The following NDUFAF7 variants were observed in gnomAD, a reference collection of about 807,000 sequenced individuals.
NDUFAF7 encodes NADH:ubiquinone oxidoreductase complex assembly factor 7, also known as protein arginine methyltransferase NDUFAF7, mitochondrial.
Under a neutral mutation model 47.2 loss-of-function variants are expected in NDUFAF7, and 48 were observed. The ratio of observed to expected loss-of-function variants is 1.02; its 90% CI spans 0.81 to 1.29. The LOEUF is 1.29. NDUFAF7 is among the 50% of genes most tolerant of loss of function. The pLI is 0.00. For missense variants in NDUFAF7, 635 were observed against 537.6 expected, an observed-to-expected ratio of 1.18 and a Z score of -1.79; for synonymous variants, 217 against 190.0, an observed-to-expected ratio of 1.14 and a Z score of -1.17.
Position 37,241,712 on chromosome 2 carries a change from A to G in NDUFAF7, c.543A>G (p.Gly181=). The G allele has an allele frequency of 1.2e-6, 2 of 1,614,098 alleles. No individual in the cohort carries two copies. Among genetic ancestry groups the G allele is most frequent in the South Asian group, 1.1e-5 (1 of 91,080 alleles). ...AGGTCCCGTTAGAGCGAAATGCTGG[A>G]TCCCCAGTGTATATGAAAGGTGTCA... ...KEKVPLERNA[G]SPVYMKGVTK... is the part of the protein sequence containing the mutation. Residue 181 remains glycine (G), a synonymous_variant, in exon 5 of 10, where the codon GGA becomes GGG. Coordinates refer to ENST00000002125, the MANE Select transcript of NDUFAF7 (RefSeq NM_144736.5).
At chr2:37,256,602 GT>G (rs1421246058), downstream of NDUFAF7, 27 of 1,410,602 alleles carry the variant, frequency 1.9e-5, no homozygotes, top group African/African-American at 3.9e-4. Context: ...TGAGAAAGAT[GT>G]TTAGGCTTAA....
At chr2:37,248,035 G>A in intron 9 of NDUFAF7, 100 bp from the exon 10 acceptor site, 1 of 949,806 alleles carries the variant, frequency 1.1e-6, no homozygotes, top group Non-Finnish European at 1.6e-6. Flanking sequence ...CACATTTTGA[G>A]TGCTGTTTTA....
intron 5 of NDUFAF7, chr2:37,242,414 T>C (rs1234876392): frequency 1.9e-5 from 8 of 424,128 alleles, no homozygotes; most frequent in Non-Finnish European, 2.6e-5. Context: ...AAGCTTTAAC[T>C]GCTATTTCAG....
chr2:37,242,589 TCCTGTG>T lies in NDUFAF7; in HGVS notation c.623-45_623-40del, dbSNP rs1309746088. The stretch of plus-strand genomic sequence containing the variant: ...ACAGTTAATATTCAAAAGAATTAAT[TCCTGTG>T]AAATGTGGAAACATTAATTGTTTTC... On this transcript the variant is annotated intron_variant, in intron 5 of 9. Coordinates refer to ENST00000002125, the MANE Select transcript of NDUFAF7 (RefSeq NM_144736.5). The T allele has an allele frequency of 2.8e-6, 4 of 1,440,078 alleles. No homozygotes were observed. In the South Asian group the frequency reaches 4.7e-5, roughly 17 times the overall value. 89.2% of individuals were successfully genotyped at this position (1,440,078 alleles called of 1,614,324 possible). A position where few individuals can be genotyped will look rare whatever the true frequency, so the allele number is the denominator to read the frequency against.
chr2:37,253,286 T>C (rs1667659305), downstream of NDUFAF7: 2 of 1,613,276 alleles, frequency 1.2e-6, no homozygotes, highest in South Asian at 1.1e-5. Context: ...ATCACTTTCA[T>C]GTGTAATGTA....
chr2:37,243,573 T>C (rs1476288043), intron 6 of NDUFAF7, among the ~76,000 whole-genome samples: 1 of 152,224 alleles, frequency 6.6e-6, no homozygotes, highest in Admixed American at 6.5e-5. Context: ...TGTAGTAATT[T>C]GTTAGTAAAG....
chr2:37,270,174 C>G, the NDUFAF7 span, among the ~76,000 whole-genome samples: 1 of 151,870 alleles, frequency 6.6e-6, no homozygotes, highest in Non-Finnish European at 1.5e-5. Context: ...TTGTGGTGAG[C>G]CAAGACTGTG....
At chr2:37,233,356 G>A (rs1159858943) in intron 2 of NDUFAF7, among the ~76,000 whole-genome samples, 1 of 152,230 alleles carries the variant, frequency 6.6e-6, no homozygotes, top group African/African-American at 2.4e-5. Context: ...AGGGCCGGAC[G>A]TGGCGGCTCA....
downstream of NDUFAF7, chr2:37,253,074 A>AT: frequency 8.3e-7 from 1 of 1,199,420 alleles, no homozygotes; most frequent in Non-Finnish European, 1.2e-6. Flanking sequence ...ATATTTCTTC[A>AT]TATCTTTGCA....
At chr2:37,233,621 CAA>C (rs1175933313) in intron 2 of NDUFAF7, among the ~76,000 whole-genome samples, 4 of 62,486 alleles carry the variant, frequency 6.4e-5, no homozygotes, top group Non-Finnish European at 1.3e-4. Context: ...GACTCTGTCT[CAA>C]AAAAAAAAAA....
chr2:37,243,640 G>A (rs1666594757), intron 6 of NDUFAF7, among the ~76,000 whole-genome samples: 1 of 152,124 alleles, frequency 6.6e-6, no homozygotes, highest in African/African-American at 2.4e-5. Flanking sequence ...CCATGCTGCT[G>A]ATTTTATCTT....
rs144797574 is a variant in NDUFAF7 at position 37,237,883 on chromosome 2, A to C, written c.408+16A>C. ...TATTTTGAGGGTAGGTAATAAAAGA[A>C]TGTCTTCTAGTCTCATATAAGTGAA... On this transcript the variant is annotated intron_variant, in intron 4 of 9. Coordinates refer to ENST00000002125, the MANE Select transcript of NDUFAF7 (RefSeq NM_144736.5). 4.6e-4 allele frequency: 706 copies of C among 1,539,302 alleles called. 2 individuals carry two copies. The African/African-American group carries it at 6.8e-3, about 15-fold the overall frequency.
At chr2:37,259,634 A>G in the NDUFAF7 span, 3 of 1,613,532 alleles carry the variant, frequency 1.9e-6, no homozygotes, top group African/African-American at 2.7e-5. Flanking sequence ...GCTTTAAATC[A>G]CAGTGCACAA....
At position 37,248,394 on chromosome 2, in the gene NDUFAF7, C is replaced by CA; in HGVS notation, c.*48dup. ...TTACCCTTCAGTCGGCCCAAGAAAT[C>CA]AAAATAAAGGAAACACATTTCATAT... On this transcript the variant is annotated 3_prime_UTR_variant, in exon 10 of 10. Coordinates refer to ENST00000002125, the MANE Select transcript of NDUFAF7 (RefSeq NM_144736.5). The CA allele has an allele frequency of 6.4e-7, 1 of 1,552,640 alleles. No individual in the cohort carries two copies. Among genetic ancestry groups the CA allele is most frequent in the East Asian group, 2.2e-5 (1 of 44,582 alleles).
chr2:37,263,547 T>A, the NDUFAF7 span, among the ~76,000 whole-genome samples: 6 of 152,338 alleles, frequency 3.9e-5, no homozygotes, highest in East Asian at 9.6e-4. Flanking sequence ...AGTTTTTCTT[T>A]ATAAATGTTT....
At chr2:37,257,081 C>T, downstream of NDUFAF7, 1 of 936,822 alleles carries the variant, frequency 1.1e-6, no homozygotes, top group Non-Finnish European at 1.6e-6. Flanking sequence ...TGTAAAATAT[C>T]CTTTTCTCAA....
chr2:37,236,129 A>C lies in NDUFAF7; in HGVS notation c.250A>C (p.Lys84Gln), dbSNP rs1298070205. 9 of 1,613,586 alleles carry C rather than the reference A, an allele frequency of 5.6e-6. No individual in the cohort carries two copies. Among genetic ancestry groups the C allele is most frequent in the Non-Finnish European group, 7.6e-6 (9 of 1,179,596 alleles). The change falls in exon 3 of 10, where the codon AAA becomes CAA. Residue 84 changes from lysine (K) to glutamine (Q), a missense_variant. Transcript: ENST00000002125. ...YYVYRDMLGE[K>Q]GDFITSPEIS... ...TGTGTACCGTGACATGCTAGGCGAA[A>C]AAGGAGATTTCATTACTTCACCTGA...
chr2:37,235,471 T>A (rs2148392019), intron 2 of NDUFAF7, among the ~76,000 whole-genome samples: 1 of 151,920 alleles, frequency 6.6e-6, no homozygotes, highest in South Asian at 2.1e-4. Flanking sequence ...GTAGGCAGGG[T>A]CTTGCTGTGT....
intron 7 of NDUFAF7, among the ~76,000 whole-genome samples, chr2:37,244,790 A>AAT (rs1322407220): frequency 7.2e-5 from 11 of 152,182 alleles, no homozygotes; most frequent in Non-Finnish European, 1.5e-4. Context: ...CTGAACACTT[A>AAT]TGAACACCTG....
Sources: allele counts gnomAD v4.1 joint callset (sites outside exome capture counted in the v4.1 genomes callset), GRCh38; gene constraint gnomAD v4.1.1; transcripts MANE v1.5; gene names NCBI Gene and HGNC (gene_info 2026-07-23, HGNC 2026-07-21).